Variants in PIK3C2G observed in about 807,000 individuals in gnomAD.
The protein encoded by PIK3C2G is phosphatidylinositol 3-kinase C2 domain-containing subunit gamma.
PIK3C2G carries 168 observed loss-of-function variants against 181.1 expected under a neutral mutation model. The observed-to-expected ratio is 0.93, with a 90% CI of 0.82 to 1.05. The LOEUF is 1.05. Ranked by LOEUF, PIK3C2G falls within the 50% of genes least tolerant of loss-of-function variation. The pLI is 0.00. For missense variants in PIK3C2G, 1,869 were observed against 1,732.8 expected, an observed-to-expected ratio of 1.08 and a Z score of -1.40; for synonymous variants, 573 against 592.2, an observed-to-expected ratio of 0.97 and a Z score of 0.47.
chr12:18,559,815 TATATATAGAGAGAGAGAGAGAGAGAGAG>T (rs1945239335), intron 26 of PIK3C2G, among the ~76,000 whole-genome samples: 1 of 24,492 alleles, frequency 4.1e-5, no homozygotes, highest in African/African-American at 1.5e-4. Context: ...TATATATATA[TATATATAGAGAGAGAGAGAGAGAGAGAG>T]AGAGAGAGAG....
intron 11 of PIK3C2G, among the ~76,000 whole-genome samples, chr12:18,356,886 T>A: frequency 1.0e-5 from 1 of 95,694 alleles, no homozygotes; most frequent in South Asian, 4.3e-4. Context: ...GGGCGGGGGG[T>A]GGGCCAAAAA....
At chr12:18,587,521 G>A (rs1359877760) in intron 29 of PIK3C2G, among the ~76,000 whole-genome samples, 1 of 152,026 alleles carries the variant, frequency 6.6e-6, no homozygotes, top group Non-Finnish European at 1.5e-5. Context: ...TCTCTACAAT[G>A]AGAATTACAA....
At chr12:18,273,993 A>T (rs1266655124) in intron 1 of PIK3C2G, among the ~76,000 whole-genome samples, 5 of 152,218 alleles carry the variant, frequency 3.3e-5, no homozygotes, top group Admixed American at 6.5e-5. Context: ...TGGGTGAAGG[A>T]TATGAACAGA....
chr12:18,257,237 T>C (rs1048946368), upstream of PIK3C2G, among the ~76,000 whole-genome samples: 2 of 152,172 alleles, frequency 1.3e-5, no homozygotes, highest in African/African-American at 4.8e-5. Context: ...TGAAACTCTA[T>C]TGTGGAAACA....
At chr12:18,587,770 A>AACAAT (rs1447690538) in intron 29 of PIK3C2G, among the ~76,000 whole-genome samples, 1 of 151,984 alleles carries the variant, frequency 6.6e-6, no homozygotes, top group Non-Finnish European at 1.5e-5. Context: ...AACAAAACAA[A>AACAAT]ACAAAACAAA....
At chr12:18,715,182 GC>G in the PIK3C2G span, among the ~76,000 whole-genome samples, 13 of 11,340 alleles carry the variant, frequency 1.1e-3, no homozygotes, top group African/African-American at 1.6e-3. Context: ...GGGGGGGGGG[GC>G]GGAGGGAGGG....
At chr12:18,322,996 C>G (rs1198192526) in intron 7 of PIK3C2G, among the ~76,000 whole-genome samples, 2 of 152,048 alleles carry the variant, frequency 1.3e-5, no homozygotes, top group Non-Finnish European at 2.9e-5. Context: ...GCAGGATATC[C>G]TTGGGACACA....
chr12:18,687,166 T>C, the PIK3C2G span, among the ~76,000 whole-genome samples: 132 of 152,190 alleles, frequency 8.7e-4, no homozygotes, highest in South Asian at 2.3e-3. Context: ...GGCAATAAAA[T>C]CTTTCCAAAT....
At chr12:18,725,117 A>G in the PIK3C2G span, among the ~76,000 whole-genome samples, 1 of 152,166 alleles carries the variant, frequency 6.6e-6, no homozygotes, top group African/African-American at 2.4e-5. Flanking sequence ...TCAAAGTCAA[A>G]TGTTAATCAA....
intron 29 of PIK3C2G, among the ~76,000 whole-genome samples, chr12:18,568,429 A>T (rs1945753578): frequency 6.6e-6 from 1 of 150,982 alleles, no homozygotes; most frequent in African/African-American, 2.5e-5. Flanking sequence ...TGTGTGTGAG[A>T]CAGAGAGAGA....
At chr12:18,326,178 C>G (rs1951338492) in intron 8 of PIK3C2G, among the ~76,000 whole-genome samples, 1 of 152,136 alleles carries the variant, frequency 6.6e-6, no homozygotes, top group Non-Finnish European at 1.5e-5. Context: ...GAGAAGGTAG[C>G]ATGGCAGAGG....
intron 26 of PIK3C2G, among the ~76,000 whole-genome samples, chr12:18,560,911 T>C (rs1945310799): frequency 6.6e-6 from 1 of 152,210 alleles, no homozygotes; most frequent in Non-Finnish European, 1.5e-5. Flanking sequence ...AACTCACTTA[T>C]ATGGTAAACA....
At chr12:18,370,817 CTTGAGAATCATT>C (rs1942002680) in intron 12 of PIK3C2G, among the ~76,000 whole-genome samples, 1 of 152,062 alleles carries the variant, frequency 6.6e-6, no homozygotes, top group Non-Finnish European at 1.5e-5. Flanking sequence ...TAACTTAAAC[CTTGAGAATCATT>C]TTGAGTTATT....
At chr12:18,572,940 G>A (rs1946043124) in intron 29 of PIK3C2G, among the ~76,000 whole-genome samples, 1 of 151,852 alleles carries the variant, frequency 6.6e-6, no homozygotes, top group South Asian at 2.1e-4. Flanking sequence ...ATTTTTATGT[G>A]AGTTCCCCAT....
In PIK3C2G at chr12:18,282,384, T is replaced by A. The variant is rs1219308403; in HGVS notation, c.303T>A (p.Val101=). ...GCCGTGAACTCTCCTGGCATCAAGT[T>A]AGCAAAGCACCAGCAATTGGTTTTA... ...SKSRELSWHQ[V]SKAPAIGFSP... is the part of the protein sequence containing the mutation. The change falls in exon 2 of 33, where the codon GTT becomes GTA. Residue 101 remains valine (V), a synonymous_variant. Coordinates refer to ENST00000538779, the MANE Select transcript of PIK3C2G (RefSeq NM_001288772.2). The A allele has an allele frequency of 6.2e-7, 1 of 1,613,636 alleles. No individual in the cohort carries two copies. The highest frequency in any genetic ancestry group is 1.1e-5 in the South Asian group (1 of 91,076).
intron 18 of PIK3C2G, among the ~76,000 whole-genome samples, chr12:18,472,557 T>C (rs1938559118): frequency 2.0e-5 from 3 of 152,170 alleles, no homozygotes; most frequent in African/African-American, 4.8e-5. Flanking sequence ...TTCGCTGTAT[T>C]GTCAGGGTTT....
intron 5 of PIK3C2G, among the ~76,000 whole-genome samples, chr12:18,305,903 G>A (rs1334756635): frequency 6.6e-6 from 1 of 151,286 alleles, no homozygotes. Context: ...TTTTGTGAAA[G>A]AAAGAAAGTT....
intron 16 of PIK3C2G, among the ~76,000 whole-genome samples, chr12:18,416,166 A>C (rs562913471): frequency 6.6e-6 from 1 of 152,136 alleles, no homozygotes; most frequent in African/African-American, 2.4e-5. Context: ...AATCACTTGA[A>C]TCTGGGAAGC....
intron 9 of PIK3C2G, among the ~76,000 whole-genome samples, chr12:18,342,609 G>A (rs889036279): frequency 4.6e-5 from 7 of 151,468 alleles, no homozygotes; most frequent in African/African-American, 1.7e-4. Context: ...CATTTTTTAG[G>A]ATGTCTATAA....
Sources: gnomAD v4.1 joint callset for allele counts (sites outside exome capture counted in the v4.1 genomes callset) on GRCh38, gnomAD v4.1.1 for gene constraint, MANE v1.5 for transcripts, NCBI Gene and HGNC (gene_info 2026-07-23, HGNC 2026-07-21) for gene names.